Variants in DRD3 observed in about 807,000 individuals in gnomAD.
DRD3 encodes the protein D(3) dopamine receptor.
In DRD3, 19 loss-of-function variants were observed where a neutral mutation model predicts 36.3. The ratio of observed to expected loss-of-function variants is 0.52; its 90% CI spans 0.36 to 0.77. DRD3 has a LOEUF of 0.77. Among genes scored for constraint, DRD3 ranks in the 30% least tolerant of loss-of-function variants. DRD3 has a pLI of 0.00. For synonymous variants in DRD3, 195 were observed against 203.7 expected, an observed-to-expected ratio of 0.96 and a Z score of 0.36; for missense variants, 465 against 505.3, an observed-to-expected ratio of 0.92 and a Z score of 0.77.
chr3:114,148,202 C>G (rs1239207527), intron 3 of DRD3, among the ~76,000 whole-genome samples: 1 of 152,132 alleles, frequency 6.6e-6, no homozygotes, highest in African/African-American at 2.4e-5. Context: ...GCATAACCGG[C>G]CTTACTGTCA....
chr3:114,133,924 C>G (rs2077453336), intron 5 of DRD3, among the ~76,000 whole-genome samples: 1 of 152,246 alleles, frequency 6.6e-6, no homozygotes, highest in Non-Finnish European at 1.5e-5. Context: ...AGACTTTGAA[C>G]TGGAACTTGT....
At chr3:114,189,780 A>C (rs1197761725) in intron 1 of DRD3, among the ~76,000 whole-genome samples, 1 of 152,214 alleles carries the variant, frequency 6.6e-6, no homozygotes, top group African/African-American at 2.4e-5. Flanking sequence ...TTGAGTTTGC[A>C]ACCCCTGGAA....
intron 2 of DRD3, among the ~76,000 whole-genome samples, chr3:114,168,624 G>T (rs1393306385): frequency 6.6e-6 from 1 of 151,874 alleles, no homozygotes; most frequent in East Asian, 1.9e-4. Context: ...TACTGCCATG[G>T]TGCTGGGGGC....
At chr3:114,147,276 G>C in intron 4 of DRD3, 139 bp downstream of exon 4, 1 of 1,096,658 alleles carries the variant, frequency 9.1e-7, no homozygotes, top group Non-Finnish European at 1.3e-6. Flanking sequence ...CCAAAGCTTT[G>C]CATTCTGTGG....
At chr3:114,145,898 CTT>C (rs1162665453) in intron 4 of DRD3, among the ~76,000 whole-genome samples, 4 of 152,130 alleles carry the variant, frequency 2.6e-5, no homozygotes, top group Non-Finnish European at 5.9e-5. Context: ...TTAAAAATGT[CTT>C]AACTAAATAT....
At chr3:114,182,651 A>C (rs2077954539), upstream of DRD3, among the ~76,000 whole-genome samples, 1 of 151,688 alleles carries the variant, frequency 6.6e-6, no homozygotes. Flanking sequence ...TCCGTCTGTC[A>C]CCCAGGCTGC....
chr3:114,171,696 GACA>G (rs1450892869), intron 2 of DRD3, 24 bp downstream of exon 2: 1 of 1,558,592 alleles, frequency 6.4e-7, no homozygotes, highest in South Asian at 1.2e-5. Flanking sequence ...CAGTCATAGA[GACA>G]ACATGCACCT....
chr3:114,138,084 G>A (rs536295320), intron 5 of DRD3, among the ~76,000 whole-genome samples: 7 of 147,368 alleles, frequency 4.8e-5, no homozygotes, highest in African/African-American at 7.6e-5. Context: ...CACGAGAATC[G>A]CTTGAACCCA....
intron 5 of DRD3, among the ~76,000 whole-genome samples, chr3:114,133,357 T>A (rs1247250500): frequency 6.6e-6 from 1 of 152,222 alleles, no homozygotes; most frequent in Non-Finnish European, 1.5e-5. Flanking sequence ...GTTTAGTATT[T>A]GCTTCATAGC....
At chr3:114,176,247 G>A (rs1193890784) in intron 1 of DRD3, 2 of 152,162 alleles carry the variant, frequency 1.3e-5, no homozygotes, top group South Asian at 4.1e-4. Flanking sequence ...ACTACTGTGT[G>A]GCAAGTATGA....
At chr3:114,185,469 T>C (rs2077970193) in intron 1 of DRD3, among the ~76,000 whole-genome samples, 1 of 152,198 alleles carries the variant, frequency 6.6e-6, no homozygotes. Context: ...AGTGTTTCTA[T>C]CTCTTCGCTA....
At chr3:114,150,023 G>A (rs1394134265) in intron 3 of DRD3, among the ~76,000 whole-genome samples, 7 of 152,206 alleles carry the variant, frequency 4.6e-5, no homozygotes, top group Non-Finnish European at 1.0e-4. Flanking sequence ...TACAGTTCAA[G>A]CCTCTAAATA....
intron 1 of DRD3, among the ~76,000 whole-genome samples, chr3:114,190,410 TAATATATA>T (rs2077998107): frequency 1.7e-5 from 1 of 58,142 alleles, no homozygotes; most frequent in Non-Finnish European, 3.1e-5. Flanking sequence ...GGAAAAAGGA[TAATATATA>T]TATATATATA....
chr3:114,198,826 C>A (rs2078050329), intron 1 of DRD3, among the ~76,000 whole-genome samples: 1 of 152,040 alleles, frequency 6.6e-6, no homozygotes, highest in East Asian at 1.9e-4. Flanking sequence ...CAGCCTTGAA[C>A]TCCTGGGCTC....
intron 2 of DRD3, among the ~76,000 whole-genome samples, chr3:114,164,735 T>G (rs2077766654): frequency 6.6e-6 from 1 of 152,166 alleles, no homozygotes; most frequent in Non-Finnish European, 1.5e-5. Context: ...CTCAGAAGAA[T>G]GCTTTTCTTC....
rs774001173 is a variant in DRD3, at chr3:114,171,904, G to C, written c.89C>G (p.Ala30Gly). Residue 30 changes from alanine to glycine, a missense_variant, in exon 2 of 7, where the codon GCC becomes GGC. Ala to Gly is a moderately conservative substitution (Grantham distance 60). Transcript: ENST00000383673. ...CGCGCAGTAGGAGAGGGCATAGTAG[G>C]CATGTGGGCGGGCCTGGCTGGCACC... ...STGASQARPHAYYALSYCALI... is the reference protein window; with the variant it reads ...STGASQARPHGYYALSYCALI... 23 of 1,610,186 alleles carry C rather than the reference G, an allele frequency of 1.4e-5. No individual in the cohort carries two copies. Among genetic ancestry groups the C allele is most frequent in the African/African-American group, 2.7e-5 (2 of 74,830 alleles).
At chr3:114,186,755 A>G (rs1371976333) in intron 1 of DRD3, among the ~76,000 whole-genome samples, 1 of 152,242 alleles carries the variant, frequency 6.6e-6, no homozygotes, top group African/African-American at 2.4e-5. Flanking sequence ...CAAGCTTTCA[A>G]TAGATTCCAG....
At chr3:114,182,273 A>C (rs1021296657), upstream of DRD3, among the ~76,000 whole-genome samples, 4 of 152,200 alleles carry the variant, frequency 2.6e-5, no homozygotes, top group Admixed American at 1.3e-4. Flanking sequence ...TTTATGTTTG[A>C]ATTCATTCTG....
intron 5 of DRD3, among the ~76,000 whole-genome samples, chr3:114,134,753 A>G (rs1233261437): frequency 6.6e-6 from 1 of 152,124 alleles, no homozygotes; most frequent in Non-Finnish European, 1.5e-5. Flanking sequence ...CCACAGAGGT[A>G]TTCTTAGGAA....
Sources: gnomAD v4.1 joint callset for allele counts (sites outside exome capture counted in the v4.1 genomes callset) on GRCh38, gnomAD v4.1.1 for gene constraint, MANE v1.5 for transcripts, NCBI Gene and HGNC (gene_info 2026-07-23, HGNC 2026-07-21) for gene names.